The following GALNT5 variants were observed in gnomAD, a reference collection of about 807,000 sequenced individuals.
The protein encoded by GALNT5 is polypeptide N-acetylgalactosaminyltransferase 5, also known as UDP-GalNAc:polypeptide N-acetylgalactosaminyltransferase 5.
In GALNT5, 72 loss-of-function variants were observed where a neutral mutation model predicts 85.4. That is an observed-to-expected ratio of 0.84 (90% confidence interval 0.70 to 1.03). The LOEUF is 1.03. Among genes scored for constraint, GALNT5 ranks in the 50% least tolerant of loss-of-function variants. GALNT5 has a pLI of 0.00. For missense variants in GALNT5, 1,137 were observed against 1,135.5 expected (o/e 1.00, Z -0.02); for synonymous variants, 404 against 397.0 (o/e 1.02, Z -0.21).
rs1682230808 is a variant in GALNT5, at chr2:157,258,157, G to A, written c.75G>A (p.Trp25Ter). The A allele has an allele frequency of 6.2e-7, 1 of 1,614,014 alleles. No individual in the cohort carries two copies. Among genetic ancestry groups the A allele is most frequent in the Non-Finnish European group, 8.5e-7 (1 of 1,179,988 alleles). Residue 25 changes from tryptophan to a stop codon, truncating the protein, a stop_gained, in exon 1 of 10, where the codon TGG (tryptophan) becomes TGA (stop). Transcript: ENST00000259056. LOFTEE classifies it high-confidence loss of function. Reference protein sequence around the residue: ...LAFIFVASVIWLLFDMAALRL... With the variant: ...LAFIFVASVI Reference sequence around the variant, plus strand: ...TTATCTTTGTAGCTTCTGTCATCTGGCTCCTCTTTGACATGGCAGCTCTCC... The same window carrying A: ...TTATCTTTGTAGCTTCTGTCATCTGACTCCTCTTTGACATGGCAGCTCTCC...
rs887460083 is a variant in GALNT5 at position 157,311,550 on chromosome 2, G to A, written c.*202G>A. 20 of 453,102 alleles carry A rather than the reference G, an allele frequency of 4.4e-5. No homozygotes were observed. The highest frequency in any genetic ancestry group is 3.4e-4 in the East Asian group (8 of 23,558). The allele number at this position is 453,102 out of a possible 1,614,324, so 28.1% of individuals were successfully genotyped here. A position where few individuals can be genotyped will look rare whatever the true frequency, so the allele number is the denominator to read the frequency against. On this transcript the variant is annotated 3_prime_UTR_variant, in exon 10 of 10. Transcript: ENST00000259056. ...CAACATTGGACTGAAGTCCTTCTTC[G>A]GAACTGGGTGGCCTTTGAATTGCCT...
intron 8 of GALNT5, among the ~76,000 whole-genome samples, chr2:157,306,928 C>A (rs1441540046): frequency 6.6e-6 from 1 of 151,084 alleles, no homozygotes; most frequent in African/African-American, 2.4e-5. Flanking sequence ...CACTTACTAA[C>A]AAAGAGGAAA....
At position 157,266,384 on chromosome 2, in the gene GALNT5, T is replaced by C. The variant is rs1343759520; in HGVS notation, c.1454+6848T>C. 2.0e-5 allele frequency among the ~76,000 whole-genome samples: 3 copies of C among 152,218 alleles called. No individual in the cohort carries two copies. The East Asian group carries it at 5.8e-4, about 29-fold the overall frequency. ...CAGTAATAATTCCACTGCACCAGTC[T>C]GGTTCCCTCTCCACCTCCAGCAACT... On this transcript the variant is annotated intron_variant, in intron 1 of 9. Coordinates refer to ENST00000259056, the MANE Select transcript of GALNT5 (RefSeq NM_014568.3).
intron 3 of GALNT5, among the ~76,000 whole-genome samples, chr2:157,294,784 CCACACACA>C (rs60607353): frequency 0.62 from 90,408 of 146,794 alleles, 30,010 homozygotes; most frequent in South Asian, 0.79. Context: ...TCACATCACA[CCACACACA>C]CACACACACA....
chr2:157,285,564 G>T (rs1053561753), intron 2 of GALNT5, among the ~76,000 whole-genome samples: 1 of 152,156 alleles, frequency 6.6e-6, no homozygotes, highest in Non-Finnish European at 1.5e-5. Flanking sequence ...GAGAGAAAAG[G>T]TGTAATGGAA....
At chr2:157,300,007 C>T (rs966566201) in intron 6 of GALNT5, among the ~76,000 whole-genome samples, 1 of 152,170 alleles carries the variant, frequency 6.6e-6, no homozygotes, top group Non-Finnish European at 1.5e-5. Context: ...AAGGAATAGA[C>T]TCAATCTGTA....
At chr2:157,269,221 T>A (rs1486584011) in intron 1 of GALNT5, among the ~76,000 whole-genome samples, 1 of 152,178 alleles carries the variant, frequency 6.6e-6, no homozygotes, top group Non-Finnish European at 1.5e-5. Context: ...ACTGTTCCTT[T>A]GAACAAAACA....
chr2:157,284,405 C>A lies in GALNT5; in HGVS notation c.1578C>A (p.His526Gln). ...GTGTCATCAATCGCTCTCCTCCACA[C>A]CTCATCAAGGAGATTCTGCTGGTAG... Reference protein sequence around the residue: ...VHSVINRSPPHLIKEILLVDD... With the variant: ...VHSVINRSPPQLIKEILLVDD... Residue 526 changes from histidine (H) to glutamine (Q), a missense_variant, in exon 2 of 10, where the codon CAC (histidine) becomes CAA (glutamine). His to Gln is a conservative substitution (Grantham distance 24, BLOSUM62 0). Coordinates refer to ENST00000259056, the MANE Select transcript of GALNT5 (RefSeq NM_014568.3). 2.5e-6 allele frequency: 4 copies of A among 1,613,834 alleles called. No individual in the cohort carries two copies. Among genetic ancestry groups the A allele is most frequent in the Non-Finnish European group, 3.4e-6 (4 of 1,179,738 alleles).
chr2:157,259,910 T>G (rs1682301064), intron 1 of GALNT5, among the ~76,000 whole-genome samples: 1 of 152,248 alleles, frequency 6.6e-6, no homozygotes, highest in Non-Finnish European at 1.5e-5. Flanking sequence ...TTGGAACTTT[T>G]CATTATTAGC....
At chr2:157,291,852 T>C (rs949311991) in intron 3 of GALNT5, among the ~76,000 whole-genome samples, 2 of 152,082 alleles carry the variant, frequency 1.3e-5, no homozygotes, top group Non-Finnish European at 2.9e-5. Flanking sequence ...TTAACAATAG[T>C]TTATTATATA....
At chr2:157,289,192 G>A (rs749575448) in intron 3 of GALNT5, among the ~76,000 whole-genome samples, 55 of 152,298 alleles carry the variant, frequency 3.6e-4, no homozygotes, top group Admixed American at 6.5e-4. Context: ...CAAACTATTA[G>A]ACAACATGGG....
chr2:157,293,797 C>A (rs138469957), intron 3 of GALNT5, among the ~76,000 whole-genome samples: 1 of 152,222 alleles, frequency 6.6e-6, no homozygotes, highest in East Asian at 1.9e-4. Context: ...GATCTGTCAT[C>A]TAGATAACTA....
In GALNT5 at chr2:157,314,732, A is replaced by C. The variant is rs184753131; in HGVS notation, c.*3384A>C. ...AGATTGAAACATGCCAGAGAGTACC[A>C]TCTTTCTTTGTTTTAACATCTCTGA... On this transcript the variant is annotated 3_prime_UTR_variant, in exon 10 of 10. Coordinates refer to ENST00000259056, the MANE Select transcript of GALNT5 (RefSeq NM_014568.3). Among the ~76,000 whole-genome samples, 217 of 152,246 alleles carry C rather than the reference A, an allele frequency of 1.4e-3. 1 individual carries two copies. The highest frequency in any genetic ancestry group is 4.8e-3 in the African/African-American group (200 of 41,538).
intron 1 of GALNT5, among the ~76,000 whole-genome samples, chr2:157,278,386 T>C (rs1682785298): frequency 6.6e-6 from 1 of 152,226 alleles, no homozygotes; most frequent in South Asian, 2.1e-4. Flanking sequence ...GACATTCTCC[T>C]GGATAATATC....
intron 8 of GALNT5, among the ~76,000 whole-genome samples, chr2:157,307,385 C>A (rs1227963102): frequency 1.3e-5 from 2 of 152,174 alleles, no homozygotes; most frequent in African/African-American, 2.4e-5. Flanking sequence ...TATCCCTTAC[C>A]TTACCTAAAA....
Position 157,300,844 on chromosome 2 carries a change from G to A in GALNT5, c.2284G>A (p.Gly762Ser), listed in dbSNP as rs772775726. The change falls in exon 7 of 10, where the codon GGC becomes AGC. Residue 762 changes from glycine to serine, a missense_variant. Gly to Ser is a moderately conservative substitution (Grantham distance 56). Coordinates refer to ENST00000259056, the MANE Select transcript of GALNT5 (RefSeq NM_014568.3). ...WLDEYKELFY[G>S]HGDHLIDQGL... ...GGATGAGTATAAGGAGCTGTTCTAT[G>A]GCCACGGAGACCACCTCATCGACCA... 2 of 1,614,044 alleles carry A rather than the reference G, an allele frequency of 1.2e-6. No individual in the cohort carries two copies. Among genetic ancestry groups the A allele is most frequent in the Admixed American group, 3.3e-5 (2 of 60,024 alleles).
Position 157,317,530 on chromosome 2 carries a change from G to C in GALNT5, c.*6182G>C, listed in dbSNP as rs535434825. Among the ~76,000 whole-genome samples, 1 of 152,198 alleles carries C rather than the reference G, an allele frequency of 6.6e-6. No homozygotes were observed. The highest frequency in any genetic ancestry group is 2.4e-5 in the African/African-American group (1 of 41,550). On this transcript the variant is annotated 3_prime_UTR_variant, in exon 10 of 10. Coordinates refer to ENST00000259056, the MANE Select transcript of GALNT5 (RefSeq NM_014568.3). ...AAGAGAAGCCAAAGATTAAGTAAGT[G>C]AATTGTGTTAAAGATTGCCTGAAAA... is the stretch of plus-strand genomic sequence containing the variant.
chr2:157,291,981 A>G (rs1683110976), intron 3 of GALNT5, among the ~76,000 whole-genome samples: 1 of 152,238 alleles, frequency 6.6e-6, no homozygotes, highest in African/African-American at 2.4e-5. Context: ...TATGTATCAA[A>G]TATCACTATG....
intron 3 of GALNT5, among the ~76,000 whole-genome samples, chr2:157,295,460 T>C (rs1047749123): frequency 4.6e-5 from 7 of 152,078 alleles, no homozygotes; most frequent in African/African-American, 1.7e-4. Context: ...AAATTATGTT[T>C]GCACCACAGG....
Sources: gnomAD v4.1 joint callset for allele counts (sites outside exome capture counted in the v4.1 genomes callset) on GRCh38, gnomAD v4.1.1 for gene constraint, MANE v1.5 for transcripts, NCBI Gene and HGNC (gene_info 2026-07-23, HGNC 2026-07-21) for gene names.